Variants in RASSF3 observed in about 807,000 individuals in gnomAD.
RASSF3 encodes ras association domain-containing protein 3.
A neutral mutation model predicts 19.9 loss-of-function variants in RASSF3; 19 were observed. The ratio of observed to expected loss-of-function variants is 0.96; its 90% CI spans 0.67 to 1.40. The LOEUF (loss-of-function observed/expected upper bound fraction) is 1.40. Among genes scored for constraint, RASSF3 ranks in the 40% most tolerant of loss-of-function variants. The probability of loss-of-function intolerance (pLI) is 0.00; values close to 1 mark genes in which losing one functional copy is unlikely to be tolerated. For synonymous variants in RASSF3, 110 were observed against 104.2 expected, an observed-to-expected ratio of 1.06 and a Z score of -0.34; for missense variants, 306 against 289.8, an observed-to-expected ratio of 1.06 and a Z score of -0.41.
chr12:64,648,354 T>C lies in RASSF3; in HGVS notation c.112-36433T>C, dbSNP rs556143578. Among the ~76,000 whole-genome samples, 7 of 152,154 alleles carry C rather than the reference T, an allele frequency of 4.6e-5. No homozygotes were observed. The East Asian group carries it at 1.4e-3, about 29-fold the overall frequency. ...AACTTGCAGTAGGATGTCCATCATGTGGGACTGAAGGCTAGCTGGGAGGTA... is the reference window on the plus strand; with the variant it reads ...AACTTGCAGTAGGATGTCCATCATGCGGGACTGAAGGCTAGCTGGGAGGTA... On this transcript the variant is annotated intron_variant, in intron 1 of 4. Transcript: ENST00000542104.
At position 64,579,722 on chromosome 12, in the gene RASSF3, A is replaced by G. The variant is rs73317584; in HGVS notation, c.294+38017A>G. Among the ~76,000 whole-genome samples the G allele has an allele frequency of 1.3e-3, 198 of 150,844 alleles. 2 individuals carry two copies. The highest frequency in any genetic ancestry group is 4.6e-3 in the African/African-American group (190 of 41,138). The stretch of plus-strand genomic sequence containing the variant: ...GCTTTGTGTTGTCTAATATTAAAAT[A>G]TTTCTGTCTTTTTCCAGAAACTATA... On this transcript the variant is annotated intron_variant, in intron 2 of 5. Coordinates refer to the RASSF3 transcript ENST00000637125.
chr12:64,668,019 G>A (rs1381751234), intron 1 of RASSF3, among the ~76,000 whole-genome samples: 1 of 152,202 alleles, frequency 6.6e-6, no homozygotes, highest in South Asian at 2.1e-4. Flanking sequence ...GAGTAGAAAG[G>A]GCATGGTTAT....
intron 2 of RASSF3, among the ~76,000 whole-genome samples, chr12:64,597,527 G>T (rs1870016696): frequency 6.6e-6 from 1 of 151,996 alleles, no homozygotes; most frequent in African/African-American, 2.4e-5. Context: ...CACAATCTCA[G>T]CTCACTGCAA....
intron 2 of RASSF3, among the ~76,000 whole-genome samples, chr12:64,597,192 G>A (rs1226830363): frequency 1.3e-5 from 2 of 149,326 alleles, no homozygotes; most frequent in Non-Finnish European, 3.0e-5. Flanking sequence ...GAGTGCAGTG[G>A]CTCGATCTTC....
At chr12:64,572,554 C>T (rs567245513) in intron 2 of RASSF3, among the ~76,000 whole-genome samples, 2 of 152,230 alleles carry the variant, frequency 1.3e-5, no homozygotes, top group Non-Finnish European at 2.9e-5. Flanking sequence ...TGAATACAGA[C>T]AGTAAATTTT....
intron 2 of RASSF3, among the ~76,000 whole-genome samples, chr12:64,598,811 C>T (rs1054831439): frequency 1.3e-5 from 2 of 151,618 alleles, no homozygotes; most frequent in African/African-American, 2.4e-5. Context: ...CATATGTATA[C>T]GTGTACCACG....
chr12:64,574,946 A>G (rs1869572584), intron 2 of RASSF3, among the ~76,000 whole-genome samples: 1 of 152,252 alleles, frequency 6.6e-6, no homozygotes, highest in Non-Finnish European at 1.5e-5. Context: ...AAAATACCTC[A>G]GCAAGTATCA....
At chr12:64,625,753 TTCTC>T (rs1297580071) in intron 1 of RASSF3, among the ~76,000 whole-genome samples, 1 of 151,462 alleles carries the variant, frequency 6.6e-6, no homozygotes, top group Non-Finnish European at 1.5e-5. Flanking sequence ...CAGCCCTCTG[TTCTC>T]TCTCCACAGA....
chr12:64,616,416 T>A (rs1424970691), intron 1 of RASSF3, among the ~76,000 whole-genome samples: 1 of 152,118 alleles, frequency 6.6e-6, no homozygotes, highest in Non-Finnish European at 1.5e-5. Context: ...AAAAACTGAG[T>A]CTGACCAAAT....
At chr12:64,509,087 A>G (rs923439059) in intron 1 of RASSF3, among the ~76,000 whole-genome samples, 3 of 152,340 alleles carry the variant, frequency 2.0e-5, no homozygotes, top group Admixed American at 6.5e-5. Flanking sequence ...ATGGATTAAC[A>G]TAATTTGGGA....
chr12:64,672,939 C>G (rs1872747516), intron 1 of RASSF3, among the ~76,000 whole-genome samples: 1 of 152,354 alleles, frequency 6.6e-6, no homozygotes, highest in East Asian at 1.9e-4. Context: ...ATTCCTGCTG[C>G]TGGTGGAGCC....
intron 2 of RASSF3, among the ~76,000 whole-genome samples, chr12:64,576,162 A>G (rs1270433766): frequency 1.3e-5 from 2 of 152,214 alleles, no homozygotes; most frequent in Non-Finnish European, 2.9e-5. Context: ...AGAAAAATTA[A>G]ACCAATATAA....
intron 1 of RASSF3, among the ~76,000 whole-genome samples, chr12:64,638,528 C>T (rs928167936): frequency 2.7e-5 from 4 of 148,374 alleles, no homozygotes; most frequent in South Asian, 2.1e-4. Context: ...TGCGGTGAGC[C>T]GAGATCGCGC....
chr12:64,546,393 C>T (rs1047078599), downstream of RASSF3, among the ~76,000 whole-genome samples: 2 of 152,110 alleles, frequency 1.3e-5, no homozygotes, highest in African/African-American at 4.8e-5. Context: ...GCCTCAGTCT[C>T]CCAAGTAACT....
At chr12:64,608,537 T>C (rs1044277464), upstream of RASSF3, among the ~76,000 whole-genome samples, 1 of 151,924 alleles carries the variant, frequency 6.6e-6, no homozygotes, top group African/African-American at 2.4e-5. Flanking sequence ...GGTTTCCAAC[T>C]CCTGACCTCA....
intron 1 of RASSF3, among the ~76,000 whole-genome samples, chr12:64,538,340 C>G: frequency 6.6e-6 from 1 of 152,110 alleles, no homozygotes; most frequent in Non-Finnish European, 1.5e-5. Context: ...GATTAGGGCC[C>G]ATCCACATGA....
intron 1 of RASSF3, among the ~76,000 whole-genome samples, chr12:64,627,635 T>C (rs764165975): frequency 2.0e-5 from 3 of 152,174 alleles, no homozygotes; most frequent in African/African-American, 4.8e-5. Context: ...AGAATTATAA[T>C]CAAGGAAAAG....
intron 1 of RASSF3, among the ~76,000 whole-genome samples, chr12:64,681,602 C>T (rs1444045011): frequency 2.0e-5 from 3 of 152,192 alleles, no homozygotes; most frequent in Non-Finnish European, 4.4e-5. Context: ...AGTCTTTGGA[C>T]AGTTAAAACT....
Position 64,520,607 on chromosome 12 carries a change from T to A in RASSF3, c.169+13278T>A, listed in dbSNP as rs1451869014. On this transcript the variant is annotated intron_variant, in intron 1 of 5. Transcript: ENST00000637125. ...ATATATATATATATGCACATATATG[T>A]TGTAGGTTCCCAGACTGGAAACCTA... Among the ~76,000 whole-genome samples, 38 of 145,100 alleles carry A rather than the reference T, an allele frequency of 2.6e-4. 2 individuals are homozygous for A. Among genetic ancestry groups the A allele is most frequent in the Admixed American group, 2.2e-3 (32 of 14,342 alleles).
Sources: allele counts gnomAD v4.1 joint callset (sites outside exome capture counted in the v4.1 genomes callset), GRCh38; gene constraint gnomAD v4.1.1; transcripts MANE v1.5; gene names NCBI Gene and HGNC (gene_info 2026-07-23, HGNC 2026-07-21).